TAFA2: variants seen among roughly 807,000 people sequenced by gnomAD.
TAFA2 encodes chemokine-like protein TAFA-2.
TAFA2 carries 7 observed loss-of-function variants against 18.8 expected under a neutral mutation model. That is an observed-to-expected ratio of 0.37 (90% confidence interval 0.21 to 0.70). The LOEUF is 0.70. Ranked by LOEUF, TAFA2 falls within the 30% of genes least tolerant of loss-of-function variation. The probability of loss-of-function intolerance (pLI) is 0.53; values close to 1 mark genes in which losing one functional copy is unlikely to be tolerated. For synonymous variants in TAFA2, 60 were observed against 54.2 expected (o/e 1.11, Z -0.47); for missense variants, 122 against 158.1 (o/e 0.77, Z 1.23).
Position 61,710,394 on chromosome 12 carries a change from A to T in TAFA2, c.*12T>A, listed in dbSNP as rs1193832818. 6.2e-7 allele frequency: 1 copy of T among 1,608,982 alleles called. No homozygotes were observed. The highest frequency in any genetic ancestry group is 2.2e-5 in the East Asian group (1 of 44,822). On this transcript the variant is annotated 3_prime_UTR_variant, in exon 5 of 5. Transcript: ENST00000416284. The stretch of plus-strand genomic sequence containing the variant: ...TGTCATCAGCCTTGAGGATCACTTG[A>T]TTTCTCCTGGGTTAATGGGTTACCT...
intron 2 of TAFA2, among the ~76,000 whole-genome samples, chr12:61,759,674 G>A (rs1171644994): frequency 1.3e-5 from 2 of 151,994 alleles, no homozygotes; most frequent in African/African-American, 2.4e-5. Flanking sequence ...TTGTTCAGGA[G>A]GGTACACTTT....
At chr12:61,995,161 T>A (rs1429593408) in intron 1 of TAFA2, among the ~76,000 whole-genome samples, 1 of 152,204 alleles carries the variant, frequency 6.6e-6, no homozygotes, top group African/African-American at 2.4e-5. Context: ...TAATCTCCCC[T>A]TTTCTCCTAT....
intron 1 of TAFA2, among the ~76,000 whole-genome samples, chr12:62,083,455 A>G (rs1339619186): frequency 6.6e-6 from 1 of 152,092 alleles, no homozygotes; most frequent in African/African-American, 2.4e-5. Context: ...GGCATATGCC[A>G]TATATATCAG....
At chr12:62,010,674 C>G (rs895248543) in intron 1 of TAFA2, among the ~76,000 whole-genome samples, 1 of 151,196 alleles carries the variant, frequency 6.6e-6, no homozygotes, top group Non-Finnish European at 1.5e-5. Flanking sequence ...AGGTGGGGAG[C>G]GCCTCTGCCC....
intron 2 of TAFA2, among the ~76,000 whole-genome samples, chr12:61,812,811 C>T (rs1871929361): frequency 6.6e-6 from 1 of 151,118 alleles, no homozygotes; most frequent in South Asian, 2.1e-4. Flanking sequence ...CTCAGGTGAT[C>T]CACCCACCTC....
intron 2 of TAFA2, among the ~76,000 whole-genome samples, chr12:61,763,204 G>A (rs903622489): frequency 6.6e-5 from 10 of 151,986 alleles, no homozygotes; most frequent in Admixed American, 1.3e-4. Flanking sequence ...ACCAAGTGCC[G>A]ATGACATGTT....
chr12:61,843,886 A>G (rs1020058538), intron 2 of TAFA2, among the ~76,000 whole-genome samples: 2 of 152,166 alleles, frequency 1.3e-5, no homozygotes, highest in Non-Finnish European at 2.9e-5. Context: ...AAGGGGAGTC[A>G]TGCATTTATT....
At chr12:61,930,472 C>G (rs1308482084) in intron 1 of TAFA2, among the ~76,000 whole-genome samples, 1 of 152,204 alleles carries the variant, frequency 6.6e-6, no homozygotes, top group East Asian at 1.9e-4. Context: ...TCACATTCCT[C>G]TTCACAACAA....
chr12:61,751,086 C>G (rs1178060857), intron 4 of TAFA2, among the ~76,000 whole-genome samples: 1 of 152,066 alleles, frequency 6.6e-6, no homozygotes, highest in Admixed American at 6.6e-5. Context: ...AACACTTCTT[C>G]TATCTGCCTC....
chr12:61,765,848 A>C (rs1869766354), intron 2 of TAFA2, among the ~76,000 whole-genome samples: 1 of 152,102 alleles, frequency 6.6e-6, no homozygotes, highest in Non-Finnish European at 1.5e-5. Flanking sequence ...TTTTGTAAAA[A>C]GGGAACTGGT....
intron 2 of TAFA2, among the ~76,000 whole-genome samples, chr12:61,866,104 G>T (rs1301089966): frequency 6.6e-6 from 1 of 152,050 alleles, no homozygotes; most frequent in Non-Finnish European, 1.5e-5. Context: ...GGATCAGTGT[G>T]CTGTATTAAA....
At chr12:62,159,476 AAC>A (rs1386594931) in intron 1 of TAFA2, among the ~76,000 whole-genome samples, 1 of 152,210 alleles carries the variant, frequency 6.6e-6, no homozygotes, top group Non-Finnish European at 1.5e-5. Context: ...TTCTAAAAGG[AAC>A]AGACTGTTCC....
intron 1 of TAFA2, among the ~76,000 whole-genome samples, chr12:61,963,203 T>G (rs1198525998): frequency 6.6e-6 from 1 of 152,026 alleles, no homozygotes; most frequent in Non-Finnish European, 1.5e-5. Context: ...CGTGTCTTTA[T>G]AGTAGAATGA....
At chr12:61,940,410 G>A (rs928402393) in intron 1 of TAFA2, among the ~76,000 whole-genome samples, 3 of 152,220 alleles carry the variant, frequency 2.0e-5, no homozygotes, top group African/African-American at 7.2e-5. Context: ...GTGGCCATCA[G>A]GGCTTCAACA....
At chr12:62,173,147 T>C (rs1189352669) in intron 1 of TAFA2, among the ~76,000 whole-genome samples, 1 of 152,130 alleles carries the variant, frequency 6.6e-6, no homozygotes, top group African/African-American at 2.4e-5. Context: ...GTGTGGTGGC[T>C]CATGCCTGTA....
chr12:61,805,548 A>T (rs1258193362), intron 2 of TAFA2, among the ~76,000 whole-genome samples: 1 of 152,160 alleles, frequency 6.6e-6, no homozygotes, highest in Non-Finnish European at 1.5e-5. Flanking sequence ...AAACTCTGGT[A>T]ACACTAATTA....
chr12:61,768,968 C>G (rs748656771), intron 2 of TAFA2, among the ~76,000 whole-genome samples: 34 of 151,970 alleles, frequency 2.2e-4, no homozygotes, highest in Non-Finnish European at 4.4e-4. Flanking sequence ...CCCCTGCTCA[C>G]TGGCTGCCTT....
At chr12:62,082,748 C>T (rs1868343221) in intron 1 of TAFA2, among the ~76,000 whole-genome samples, 1 of 152,142 alleles carries the variant, frequency 6.6e-6, no homozygotes, top group Admixed American at 6.5e-5. Context: ...AAATAATAAC[C>T]AGTCACCAAC....
chr12:61,947,647 T>A (rs979842407), intron 1 of TAFA2, among the ~76,000 whole-genome samples: 1 of 152,102 alleles, frequency 6.6e-6, no homozygotes, highest in Non-Finnish European at 1.5e-5. Context: ...TTTCTACCCA[T>A]CCTTTCAAAG....
Sources: allele counts gnomAD v4.1 joint callset (sites outside exome capture counted in the v4.1 genomes callset), GRCh38; gene constraint gnomAD v4.1.1; transcripts MANE v1.5; gene names NCBI Gene and HGNC (gene_info 2026-07-23, HGNC 2026-07-21).